Variants in FAM117B observed in about 807,000 individuals in gnomAD.
FAM117B encodes protein FAM117B.
FAM117B carries 22 observed loss-of-function variants against 52.8 expected under a neutral mutation model. That is an observed-to-expected ratio of 0.42 (90% CI 0.30 to 0.59). The LOEUF (loss-of-function observed/expected upper bound fraction) is 0.59, where lower values mean the gene tolerates loss of function less well. Ranked by LOEUF, FAM117B falls within the 20% of genes least tolerant of loss-of-function variation. The pLI, the probability that FAM117B is intolerant of heterozygous loss-of-function variation, is 0.22. For synonymous variants in FAM117B, 309 were observed against 324.1 expected, an observed-to-expected ratio of 0.95 and a Z score of 0.50; for missense variants, 678 against 802.6, an observed-to-expected ratio of 0.84 and a Z score of 1.88.
At chr2:202,712,255 C>T (rs142813739) in intron 2 of FAM117B, among the ~76,000 whole-genome samples, 2 of 152,010 alleles carry the variant, frequency 1.3e-5, no homozygotes, top group Admixed American at 1.3e-4. Context: ...AGATCTTTCA[C>T]TTCTTTGGTT....
chr2:202,659,341 G>A lies in FAM117B; in HGVS notation c.601+23553G>A, dbSNP rs115565577. 8.2e-3 allele frequency among the ~76,000 whole-genome samples: 1,239 copies of A among 150,934 alleles called. 9 individuals are homozygous for A. Among genetic ancestry groups the A allele is most frequent in the Non-Finnish European group, 0.013 (890 of 67,694 alleles). On this transcript the variant is annotated intron_variant, in intron 1 of 7. Coordinates refer to ENST00000392238, the MANE Select transcript of FAM117B (RefSeq NM_173511.4). ...TTTGTTTCTTTTGAGACAGAATCTCGCTCTCTTGCCCAGGCTGGAATGCAA... is the reference window on the plus strand; with the variant it reads ...TTTGTTTCTTTTGAGACAGAATCTCACTCTCTTGCCCAGGCTGGAATGCAA...
chr2:202,635,230 G>T lies in FAM117B; in HGVS notation c.43G>T (p.Gly15Cys). The T allele has an allele frequency of 7.6e-7, 1 of 1,308,372 alleles. No homozygotes were observed. The highest frequency in any genetic ancestry group is 9.7e-7 in the Non-Finnish European group (1 of 1,027,198). 81.0% of individuals were successfully genotyped at this position (1,308,372 alleles called of 1,614,324 possible). The change falls in exon 1 of 8, where the codon GGC becomes TGC. Residue 15 changes from glycine to cysteine, a missense_variant. Gly to Cys is a radical substitution (Grantham distance 159, BLOSUM62 -3). Transcript: ENST00000392238. Reference protein sequence around the residue: ...VRRNGSPTPAGSLGGGAVATA... With the variant: ...VRRNGSPTPACSLGGGAVATA... ...GCGCAATGGGTCCCCCACGCCGGCC[G>T]GCTCCCTTGGGGGTGGTGCGGTGGC...
chr2:202,636,499 G>C (rs1314391997), intron 1 of FAM117B, among the ~76,000 whole-genome samples: 2 of 152,162 alleles, frequency 1.3e-5, no homozygotes, highest in Non-Finnish European at 2.9e-5. Flanking sequence ...TATTGTTTTA[G>C]GGAGCTAACA....
chr2:202,760,043 A>T (rs1691860887), intron 7 of FAM117B, among the ~76,000 whole-genome samples: 1 of 152,078 alleles, frequency 6.6e-6, no homozygotes, highest in Non-Finnish European at 1.5e-5. Context: ...TAGTATAGTG[A>T]TCACTCATAT....
chr2:202,668,187 A>T (rs1000797097), intron 1 of FAM117B, among the ~76,000 whole-genome samples: 6 of 144,550 alleles, frequency 4.2e-5, no homozygotes, highest in Non-Finnish European at 6.0e-5. Context: ...TATATTATAT[A>T]ATATATATTT....
At chr2:202,690,133 A>G (rs191619496) in intron 1 of FAM117B, among the ~76,000 whole-genome samples, 12 of 152,280 alleles carry the variant, frequency 7.9e-5, no homozygotes, top group African/African-American at 2.9e-4. Context: ...TCCAGGACCC[A>G]AGGCGTTGAC....
At chr2:202,747,273 T>A (rs1040105990) in intron 4 of FAM117B, among the ~76,000 whole-genome samples, 4 of 151,972 alleles carry the variant, frequency 2.6e-5, no homozygotes, top group Admixed American at 2.0e-4. Flanking sequence ...AGAAGGAAAA[T>A]ACCTTGACAT....
chr2:202,765,603 A>G lies in FAM117B; in HGVS notation c.1609A>G (p.Thr537Ala). 1 of 1,614,110 alleles carries G rather than the reference A, an allele frequency of 6.2e-7. No homozygotes were observed. The highest frequency in any genetic ancestry group is 1.1e-5 in the South Asian group (1 of 91,074). The change falls in exon 8 of 8, where the codon ACA becomes GCA. Residue 537 changes from threonine to alanine, a missense_variant. This residue lies in a region of FAM117B where 68 missense variants were observed against 80.6 expected (regional missense o/e 0.84). Transcript: ENST00000392238. ...LTLKGSGHSL[T>A]VTTGMTTTLL... ...ACTCAAGGGCTCTGGCCACAGCCTG[A>G]CAGTCACCACTGGCATGACAACCAC...
intron 4 of FAM117B, among the ~76,000 whole-genome samples, chr2:202,738,764 A>G (rs1481554806): frequency 6.6e-6 from 1 of 152,184 alleles, no homozygotes; most frequent in Non-Finnish European, 1.5e-5. Flanking sequence ...GCCTATTTTT[A>G]TAGAGAGAGC....
chr2:202,744,421 G>A (rs1691598961), intron 4 of FAM117B, among the ~76,000 whole-genome samples: 1 of 152,122 alleles, frequency 6.6e-6, no homozygotes, highest in East Asian at 1.9e-4. Flanking sequence ...CTAGAGAAAA[G>A]TATTAATCTA....
chr2:202,653,579 A>C (rs1053071746), intron 1 of FAM117B, among the ~76,000 whole-genome samples: 1 of 151,792 alleles, frequency 6.6e-6, no homozygotes, highest in Non-Finnish European at 1.5e-5. Context: ...CTTGAAAACT[A>C]TTTTCTTGTC....
chr2:202,730,716 TTATC>T (rs1433061942), intron 4 of FAM117B, among the ~76,000 whole-genome samples: 1 of 152,126 alleles, frequency 6.6e-6, no homozygotes, highest in African/African-American at 2.4e-5. Flanking sequence ...TTTTAGAAGT[TTATC>T]TATCTACCTC....
At chr2:202,675,427 CAG>C (rs1451356607) in intron 1 of FAM117B, among the ~76,000 whole-genome samples, 1 of 111,078 alleles carries the variant, frequency 9.0e-6, no homozygotes, top group East Asian at 2.8e-4. Context: ...GCCTGGGCGA[CAG>C]AGTGAGACCT....
At chr2:202,721,080 G>A (rs940283600) in intron 2 of FAM117B, among the ~76,000 whole-genome samples, 5 of 152,110 alleles carry the variant, frequency 3.3e-5, no homozygotes, top group African/African-American at 1.2e-4. Flanking sequence ...CCTAAATAGA[G>A]GGATTCCCTC....
intron 4 of FAM117B, among the ~76,000 whole-genome samples, chr2:202,741,904 C>G (rs537836164): frequency 6.6e-6 from 1 of 152,236 alleles, no homozygotes; most frequent in South Asian, 2.1e-4. Flanking sequence ...TATATACAAA[C>G]AGCAACCAGC....
intron 1 of FAM117B, among the ~76,000 whole-genome samples, chr2:202,642,143 C>G (rs1401581041): frequency 3.5e-5 from 5 of 141,624 alleles, no homozygotes; most frequent in African/African-American, 5.2e-5. Flanking sequence ...TTAGTAGAGA[C>G]GGGATTTCAC....
At chr2:202,721,595 A>G (rs771489201) in intron 2 of FAM117B, among the ~76,000 whole-genome samples, 39 of 152,142 alleles carry the variant, frequency 2.6e-4, no homozygotes, top group Non-Finnish European at 1.2e-4. Context: ...TACATATACT[A>G]ACTCCTTTAA....
intron 5 of FAM117B, 86 bp from the exon 6 acceptor site, chr2:202,757,127 C>A: frequency 7.7e-7 from 1 of 1,304,544 alleles, no homozygotes; most frequent in Non-Finnish European, 1.1e-6. Flanking sequence ...GTCTCTGGCA[C>A]TATATGGGAA....
At chr2:202,755,736 G>T in intron 5 of FAM117B, 55 bp downstream of exon 5, 1 of 1,524,780 alleles carries the variant, frequency 6.6e-7, no homozygotes, top group Non-Finnish European at 8.9e-7. Flanking sequence ...TATTAAAAAT[G>T]CACAGTTTGG....
Sources: gnomAD v4.1 joint callset for allele counts (sites outside exome capture counted in the v4.1 genomes callset) on GRCh38, gnomAD v4.1.1 for gene constraint, gnomAD v4.1.1 regional missense constraint, MANE v1.5 for transcripts, NCBI Gene and HGNC (gene_info 2026-07-23, HGNC 2026-07-21) for gene names.